PDE11A: variants seen among roughly 807,000 people sequenced by gnomAD.
PDE11A encodes phosphodiesterase 11A, also known as dual 3',5'-cyclic-AMP and -GMP phosphodiesterase 11A.
A neutral mutation model predicts 100.5 loss-of-function variants in PDE11A; 100 were observed. That is an observed-to-expected ratio of 1.00 (90% CI 0.85 to 1.18). The LOEUF (loss-of-function observed/expected upper bound fraction) is 1.18, where lower values mean the gene tolerates loss of function less well. PDE11A is among the 50% of genes most tolerant of loss of function. The probability of loss-of-function intolerance (pLI) is 0.00; values close to 1 mark genes in which losing one functional copy is unlikely to be tolerated. For synonymous variants in PDE11A, 381 were observed against 420.8 expected, an observed-to-expected ratio of 0.91 and a Z score of 1.16; for missense variants, 1,141 against 1,152.6, an observed-to-expected ratio of 0.99 and a Z score of 0.15.
chr2:178,067,985 C>A (rs1163003536), intron 1 of PDE11A, among the ~76,000 whole-genome samples: 1 of 152,130 alleles, frequency 6.6e-6, no homozygotes, highest in Non-Finnish European at 1.5e-5. Flanking sequence ...CCATCAAACA[C>A]CTGTATTATC....
At chr2:177,713,348 A>C (rs937079812) in intron 12 of PDE11A, among the ~76,000 whole-genome samples, 1 of 152,180 alleles carries the variant, frequency 6.6e-6, no homozygotes, top group African/African-American at 2.4e-5. Flanking sequence ...GTCCACTGCT[A>C]CATTTAGAAA....
intron 3 of PDE11A, among the ~76,000 whole-genome samples, chr2:177,901,850 A>G (rs935425324): frequency 6.6e-6 from 1 of 152,220 alleles, no homozygotes; most frequent in African/African-American, 2.4e-5. Flanking sequence ...TTGTGATTGC[A>G]TGGAGAGAGC....
chr2:177,629,944 A>C (rs976548971), intron 19 of PDE11A, among the ~76,000 whole-genome samples: 2 of 152,180 alleles, frequency 1.3e-5, no homozygotes, highest in Admixed American at 6.5e-5. Context: ...ATCTCAATTG[A>C]CTATGCACTT....
chr2:178,063,522 C>A (rs992445762), intron 1 of PDE11A, among the ~76,000 whole-genome samples: 1 of 152,152 alleles, frequency 6.6e-6, no homozygotes. Context: ...GGCACAGAAC[C>A]TTTACTAGGG....
intron 6 of PDE11A, among the ~76,000 whole-genome samples, chr2:177,822,148 A>C (rs904421504): frequency 4.6e-5 from 7 of 151,996 alleles, no homozygotes; most frequent in Middle Eastern, 3.4e-3. Context: ...GGTTTTGTTC[A>C]AGAGATCTTT....
At chr2:178,001,593 T>C (rs922111138) in intron 2 of PDE11A, among the ~76,000 whole-genome samples, 1 of 152,210 alleles carries the variant, frequency 6.6e-6, no homozygotes, top group African/African-American at 2.4e-5. Context: ...CTCTAGAACA[T>C]ACAACCTACC....
chr2:178,058,037 T>A (rs1476763823), intron 1 of PDE11A, among the ~76,000 whole-genome samples: 1 of 152,066 alleles, frequency 6.6e-6, no homozygotes, highest in Non-Finnish European at 1.5e-5. Context: ...TTTCTATTTT[T>A]AGTAAAGACA....
At chr2:177,876,048 T>C (rs1024815085) in intron 4 of PDE11A, 125 bp from the exon 5 acceptor site, 2 of 714,704 alleles carry the variant, frequency 2.8e-6, no homozygotes, top group Admixed American at 2.0e-5. Context: ...GATTTTTAAG[T>C]GGAGAAATCC....
At chr2:177,700,401 T>A (rs2033762) in intron 14 of PDE11A, among the ~76,000 whole-genome samples, 1 of 129,760 alleles carries the variant, frequency 7.7e-6, no homozygotes, top group Admixed American at 7.1e-5. Flanking sequence ...CTTCCTGGCC[T>A]CAAAAAAAAA....
At chr2:177,649,604 T>C (rs572854796) in intron 19 of PDE11A, among the ~76,000 whole-genome samples, 2 of 152,226 alleles carry the variant, frequency 1.3e-5, no homozygotes, top group Non-Finnish European at 2.9e-5. Flanking sequence ...ATAGTATATA[T>C]AGATGCATGC....
intron 9 of PDE11A, among the ~76,000 whole-genome samples, chr2:177,803,474 C>T (rs921597507): frequency 2.0e-5 from 3 of 151,894 alleles, no homozygotes; most frequent in African/African-American, 7.2e-5. Flanking sequence ...AACCCAGATA[C>T]CAAAGCCAGA....
At chr2:178,062,065 C>A (rs1336617965) in intron 1 of PDE11A, among the ~76,000 whole-genome samples, 1 of 152,260 alleles carries the variant, frequency 6.6e-6, no homozygotes, top group Non-Finnish European at 1.5e-5. Flanking sequence ...AGGATCAAAT[C>A]AGAGGCTGTT....
rs372657800 is a variant in PDE11A, at chr2:177,646,404, C to T, written c.2647-16842G>A. ...TGTGCCCTATGTTCCAGGAGCCATA[C>T]TTGGAGTTCTTCATATGTGACCTGA... On this transcript the variant is annotated intron_variant, in intron 19 of 19. Transcript: ENST00000286063. 6.6e-5 allele frequency among the ~76,000 whole-genome samples: 10 copies of T among 152,294 alleles called. No homozygotes were observed. In the South Asian group the frequency reaches 1.4e-3, roughly 22 times the overall value.
chr2:177,876,596 C>T lies in PDE11A; in HGVS notation c.1303-673G>A, dbSNP rs540117831. Among the ~76,000 whole-genome samples the T allele has an allele frequency of 1.0e-4, 15 of 148,342 alleles. 1 individual carries two copies. Among genetic ancestry groups the T allele is most frequent in the African/African-American group, 2.1e-4 (8 of 38,976 alleles). ...TTGAGTTTACACTGTAAACCAGGCC[C>T]TACAGCAGAAGCTTTTTTGATTATT... On this transcript the variant is annotated intron_variant, in intron 4 of 19. Transcript: ENST00000286063.
intron 10 of PDE11A, 56 bp from the exon 11 acceptor site, chr2:177,728,228 A>T: frequency 6.6e-7 from 1 of 1,517,190 alleles, no homozygotes; most frequent in Non-Finnish European, 9.1e-7. Flanking sequence ...CCAAACCCCC[A>T]TCCTGCTCTC....
intron 2 of PDE11A, among the ~76,000 whole-genome samples, chr2:178,101,516 C>T (rs1329867566): frequency 5.3e-5 from 8 of 152,180 alleles, no homozygotes; most frequent in African/African-American, 1.9e-4. Flanking sequence ...TGAACTCAAC[C>T]TCCAACCCCC....
At chr2:177,737,585 T>C (rs1231937323) in intron 10 of PDE11A, among the ~76,000 whole-genome samples, 1 of 78,390 alleles carries the variant, frequency 1.3e-5, no homozygotes, top group Non-Finnish European at 3.7e-5. Flanking sequence ...TGGGCGACTC[T>C]GTCTCAAAAA....
At chr2:177,911,151 GA>G (rs1349053868) in intron 2 of PDE11A, among the ~76,000 whole-genome samples, 1 of 152,244 alleles carries the variant, frequency 6.6e-6, no homozygotes, top group Non-Finnish European at 1.5e-5. Flanking sequence ...GGAGCCCACT[GA>G]TTTGGAACTG....
chr2:177,936,686 C>A lies in PDE11A; in HGVS notation c.1072-31499G>T, dbSNP rs141461459. ...CTGTAATCCCAGCACTTTGGTAGGCCGAAGTGTGTGGATCACCTGAGGTCA... is the reference window on the plus strand; with the variant it reads ...CTGTAATCCCAGCACTTTGGTAGGCAGAAGTGTGTGGATCACCTGAGGTCA... On this transcript the variant is annotated intron_variant, in intron 2 of 19. Coordinates refer to ENST00000286063, the MANE Select transcript of PDE11A (RefSeq NM_016953.4). 2.0e-3 allele frequency among the ~76,000 whole-genome samples: 307 copies of A among 152,152 alleles called. 1 individual carries two copies. The highest frequency in any genetic ancestry group is 3.9e-3 in the Admixed American group (59 of 15,288).
Sources: gnomAD v4.1 joint callset for allele counts (sites outside exome capture counted in the v4.1 genomes callset) on GRCh38, gnomAD v4.1.1 for gene constraint, MANE v1.5 for transcripts, NCBI Gene and HGNC (gene_info 2026-07-23, HGNC 2026-07-21) for gene names.